ARID2: variants seen among roughly 807,000 people sequenced by gnomAD.
ARID2 encodes the protein AT-rich interactive domain-containing protein 2.
A neutral mutation model predicts 184.6 loss-of-function variants in ARID2; 32 were observed. The ratio of observed to expected loss-of-function variants is 0.17; its 90% CI spans 0.13 to 0.23. ARID2 has a LOEUF of 0.23. Among genes scored for constraint, ARID2 ranks in the 10% least tolerant of loss-of-function variants. The pLI, the probability that ARID2 is intolerant of heterozygous loss-of-function variation, is 1.00. For synonymous variants in ARID2, 836 were observed against 772.6 expected (o/e 1.08, Z -1.36); for missense variants, 1,696 against 2,197.6 (o/e 0.77, Z 4.56).
At chr12:45,799,171 T>C (rs991878655) in intron 3 of ARID2, among the ~76,000 whole-genome samples, 1 of 152,158 alleles carries the variant, frequency 6.6e-6, no homozygotes, top group African/African-American at 2.4e-5. Context: ...TAGCAATATG[T>C]GTCTGCTTTG....
In ARID2 at chr12:45,741,772, C is replaced by T. The variant is rs538714655; in HGVS notation, c.284+10458C>T. ...AATCATCTATTTCTCTGAAAATCCT[C>T]GTTCCATTTAATGCGGAATGGTATA... On this transcript the variant is annotated intron_variant, in intron 3 of 20. Coordinates refer to ENST00000334344, the MANE Select transcript of ARID2 (RefSeq NM_152641.4). Among the ~76,000 whole-genome samples the T allele has an allele frequency of 3.9e-5, 6 of 152,254 alleles. No individual in the cohort carries two copies. In the South Asian group the frequency reaches 8.3e-4, roughly 21 times the overall value.
At chr12:45,815,954 C>T in intron 4 of ARID2, among the ~76,000 whole-genome samples, 1 of 152,168 alleles carries the variant, frequency 6.6e-6, no homozygotes, top group East Asian at 1.9e-4. Flanking sequence ...AGCCACCATG[C>T]CCAGCCTGAA....
At chr12:45,734,536 T>C (rs1182708672) in intron 3 of ARID2, among the ~76,000 whole-genome samples, 2 of 151,654 alleles carry the variant, frequency 1.3e-5, no homozygotes, top group Admixed American at 1.3e-4. Flanking sequence ...GGATAAGGTA[T>C]AGTTTCCCAC....
intron 3 of ARID2, among the ~76,000 whole-genome samples, chr12:45,807,695 CAT>C (rs1294470676): frequency 1.3e-4 from 20 of 152,084 alleles, no homozygotes; most frequent in African/African-American, 4.8e-4. Flanking sequence ...CCCTATATAA[CAT>C]ATAATCTTAA....
chr12:45,850,164 G>A lies in ARID2; in HGVS notation c.2041G>A (p.Val681Ile), dbSNP rs1943518714. 1.2e-6 allele frequency: 2 copies of A among 1,613,946 alleles called. No individual in the cohort carries two copies. The highest frequency in any genetic ancestry group is 1.3e-5 in the African/African-American group (1 of 74,910). Residue 681 changes from valine to isoleucine, a missense_variant, in exon 15 of 21, where the codon GTT becomes ATT. Physicochemically the swap from Val to Ile is conservative, Grantham distance 29 (BLOSUM62 3). This residue lies in a region of ARID2 where 713 missense variants were observed against 824.4 expected (regional missense o/e 0.86). Transcript: ENST00000334344. ...VQGVHTVAQT[V>I]SRIPQNPSPH... ...AGGTGTTCATACTGTGGCACAAACT[G>A]TTTCAAGAATTCCACAAAATCCTTC...
intron 3 of ARID2, among the ~76,000 whole-genome samples, chr12:45,789,967 A>G (rs1224956464): frequency 6.6e-6 from 1 of 152,220 alleles, no homozygotes; most frequent in Non-Finnish European, 1.5e-5. Flanking sequence ...AAACCAAAAC[A>G]AAACAAAACG....
In ARID2 at chr12:45,761,401, G is replaced by T. The variant is rs568226208; in HGVS notation, c.284+30087G>T. On this transcript the variant is annotated intron_variant, in intron 3 of 20. Transcript: ENST00000334344. ...TTTTTCAAATGTTCTTTGAAAGAAG[G>T]TCTTTTTTTTGTGGTAAACATTGAG... is the stretch of plus-strand genomic sequence containing the variant. Among the ~76,000 whole-genome samples the T allele has an allele frequency of 2.0e-5, 3 of 152,040 alleles. No homozygotes were observed. In the South Asian group the frequency reaches 6.2e-4, roughly 32 times the overall value.
intron 3 of ARID2, among the ~76,000 whole-genome samples, chr12:45,734,364 TTCTC>T (rs1247996861): frequency 2.0e-5 from 3 of 152,014 alleles, no homozygotes; most frequent in Non-Finnish European, 4.4e-5. Flanking sequence ...GTGAGACTCT[TTCTC>T]AAAAAAATAA....
rs2138164549 is a variant in ARID2, at chr12:45,850,719, T to G, written c.2596T>G (p.Ser866Ala). The G allele has an allele frequency of 6.2e-7, 1 of 1,614,044 alleles. No individual in the cohort carries two copies. The highest frequency in any genetic ancestry group is 1.3e-5 in the African/African-American group (1 of 75,000). ...TGCATCCAATATTGTCTCAGCAACT[T>G]CAGTACAGAATTTTCAGGTAGCTAC... ...TSASNIVSAT[S>A]VQNFQVATGQ... Residue 866 changes from serine to alanine, a missense_variant, in exon 15 of 21, where the codon TCA (serine) becomes GCA (alanine). By Grantham distance (99) the Ser-to-Ala change is moderately conservative (BLOSUM62 1). Coordinates refer to ENST00000334344, the MANE Select transcript of ARID2 (RefSeq NM_152641.4).
At chr12:45,740,472 AGT>A (rs1207039852) in intron 3 of ARID2, among the ~76,000 whole-genome samples, 4 of 152,000 alleles carry the variant, frequency 2.6e-5, no homozygotes, top group Middle Eastern at 3.4e-3. Context: ...AAATGTGGCA[AGT>A]GTGTGTGTGT....
chr12:45,779,944 A>G (rs1352562752), intron 3 of ARID2, among the ~76,000 whole-genome samples: 1 of 152,172 alleles, frequency 6.6e-6, no homozygotes, highest in East Asian at 1.9e-4. Context: ...TTTGCTTACA[A>G]TATTTATATT....
chr12:45,857,769 C>CT lies in ARID2; in HGVS notation c.4774-3024dup, dbSNP rs988180158. Among the ~76,000 whole-genome samples the CT allele has an allele frequency of 9.2e-5, 14 of 151,928 alleles. No homozygotes were observed. In the South Asian group the frequency reaches 1.0e-3, roughly 11 times the overall value. On this transcript the variant is annotated intron_variant, in intron 15 of 20. Coordinates refer to ENST00000334344, the MANE Select transcript of ARID2 (RefSeq NM_152641.4). The stretch of plus-strand genomic sequence containing the variant: ...TCTCTCTCTCTCCCTCTCTCTCTCT[C>CT]TTTTTTTTAATACAGAGCCTCGCTC...
At chr12:45,759,062 G>A (rs953645583) in intron 3 of ARID2, among the ~76,000 whole-genome samples, 3 of 151,766 alleles carry the variant, frequency 2.0e-5, no homozygotes, top group African/African-American at 7.3e-5. Context: ...GAGAATAGAG[G>A]TATTTAGCAG....
intron 3 of ARID2, among the ~76,000 whole-genome samples, chr12:45,755,568 C>A (rs916364068): frequency 2.0e-5 from 3 of 152,188 alleles, no homozygotes; most frequent in Non-Finnish European, 4.4e-5. Flanking sequence ...ATTCTACTTA[C>A]TAGGAAATTG....
chr12:45,896,426 G>A (rs1217095542), intron 20 of ARID2, among the ~76,000 whole-genome samples: 1 of 152,136 alleles, frequency 6.6e-6, no homozygotes, highest in African/African-American at 2.4e-5. Context: ...GACCCGGCAG[G>A]AAGTAATTGA....
chr12:45,831,919 T>C (rs1001175781), intron 6 of ARID2, among the ~76,000 whole-genome samples: 3 of 152,218 alleles, frequency 2.0e-5, no homozygotes, highest in East Asian at 3.8e-4. Context: ...AGCTTTCTTA[T>C]TATGTTGTCA....
At chr12:45,831,393 T>A (rs1943119621) in intron 6 of ARID2, among the ~76,000 whole-genome samples, 1 of 152,168 alleles carries the variant, frequency 6.6e-6, no homozygotes, top group Admixed American at 6.6e-5. Context: ...TTTTTAATTG[T>A]TATGGATATG....
intron 3 of ARID2, among the ~76,000 whole-genome samples, chr12:45,807,188 A>G (rs1346711484): frequency 1.3e-5 from 2 of 152,142 alleles, no homozygotes; most frequent in African/African-American, 4.8e-5. Context: ...TTATGCTAAT[A>G]CCTCTTTATT....
In ARID2 at chr12:45,891,892, C is replaced by T. The variant is rs1201192337; in HGVS notation, c.5035C>T (p.Arg1679Trp). Reference sequence around the variant, plus strand: ...AGGTTGTGAGCCTTTTCAGCGACAGCGGTTTTCTTTTATTACCCACTTGCA... The same window carrying T: ...AGGTTGTGAGCCTTTTCAGCGACAGTGGTTTTCTTTTATTACCCACTTGCA... ...WEGCEPFQRQ[R>W]FSFITHLQDK... The change falls in exon 17 of 21, where the codon CGG becomes TGG. Residue 1679 changes from arginine (R) to tryptophan (W), a missense_variant. This residue lies in a region of ARID2 where 16 missense variants were observed against 50.3 expected (regional missense o/e 0.32). Transcript: ENST00000334344. The T allele has an allele frequency of 6.2e-7, 1 of 1,614,088 alleles. No individual in the cohort carries two copies.
Sources: allele counts gnomAD v4.1 joint callset (sites outside exome capture counted in the v4.1 genomes callset), GRCh38; gene constraint gnomAD v4.1.1; regional missense constraint gnomAD v4.1.1; transcripts MANE v1.5; gene names NCBI Gene and HGNC (gene_info 2026-07-23, HGNC 2026-07-21).